The following TPTE variants were observed in gnomAD, a reference collection of about 807,000 sequenced individuals.
The protein encoded by TPTE is putative tyrosine-protein phosphatase TPTE.
A neutral mutation model predicts 84.1 loss-of-function variants in TPTE; 59 were observed. That is an observed-to-expected ratio of 0.70 (90% CI 0.57 to 0.87). The LOEUF (loss-of-function observed/expected upper bound fraction) is 0.87, where lower values mean the gene tolerates loss of function less well. Ranked by LOEUF, TPTE falls within the 40% of genes least tolerant of loss-of-function variation. The probability of loss-of-function intolerance (pLI) is 0.00; values close to 1 mark genes in which losing one functional copy is unlikely to be tolerated. For missense variants in TPTE, 382 were observed against 659.6 expected (o/e 0.58, Z 4.61); for synonymous variants, 130 against 223.5 (o/e 0.58, Z 3.73).
rs763210612 is a variant in TPTE at position 10,602,142 on chromosome 21, T to C, written c.1441T>C (p.Phe481Leu). The part of the protein sequence containing the change: ...PLYDDVKVQF[F>L]YSNLPTYYDN... ...GTATGATGATGTGAAAGTGCAGTTT[T>C]TCTATTCGGTGAGTAATCACAAAGT... Residue 481 changes from phenylalanine (F) to leucine (L), a missense_variant, in exon 22 of 24, where the codon TTC becomes CTC. Around this residue, in one of 10 missense-constraint regions of TPTE, gnomAD observed 13 missense variants for 46.7 expected, o/e 0.28. Transcript: ENST00000618007. The C allele has an allele frequency of 6.2e-7, 1 of 1,612,210 alleles. No homozygotes were observed. The highest frequency in any genetic ancestry group is 8.5e-7 in the Non-Finnish European group (1 of 1,178,212).
intron 8 of TPTE, among the ~76,000 whole-genome samples, chr21:10,555,160 A>G (rs1026586140): frequency 6.6e-6 from 1 of 152,304 alleles, no homozygotes; most frequent in Non-Finnish European, 1.5e-5. Flanking sequence ...TTCAACTTTG[A>G]TATTATTGGA....
intron 11 of TPTE, among the ~76,000 whole-genome samples, chr21:10,568,782 A>AT (rs113925430): frequency 6.4e-4 from 98 of 152,284 alleles, no homozygotes; most frequent in African/African-American, 2.2e-3. Flanking sequence ...GGACCCAGCA[A>AT]TCTGCAGCTT....
chr21:10,597,929 C>T (rs1313898986), intron 20 of TPTE, 86 bp from the exon 21 acceptor site: 6 of 1,518,382 alleles, frequency 4.0e-6, no homozygotes, highest in Middle Eastern at 1.7e-4. Context: ...AATTTTTTCT[C>T]ATTTTAATCC....
At chr21:10,597,810 C>G (rs2075616684) in intron 20 of TPTE, among the ~76,000 whole-genome samples, 1 of 151,442 alleles carries the variant, frequency 6.6e-6, no homozygotes, top group Non-Finnish European at 1.5e-5. Context: ...CTTCTCTCAT[C>G]TTATAAAATC....
At chr21:10,533,911 C>CA (rs1259694303) in intron 3 of TPTE, among the ~76,000 whole-genome samples, 3 of 152,312 alleles carry the variant, frequency 2.0e-5, no homozygotes, top group African/African-American at 7.2e-5. Flanking sequence ...TGTGGCCAGA[C>CA]AGCATTATGG....
At chr21:10,543,143 C>G (rs1600872942) in intron 6 of TPTE, among the ~76,000 whole-genome samples, 186 bp from the exon 7 acceptor site, 1 of 137,848 alleles carries the variant, frequency 7.3e-6, no homozygotes, top group South Asian at 2.2e-4. Flanking sequence ...CATTCTCCTG[C>G]CTCAGCCTCC....
At chr21:10,537,033 G>T (rs1198436317) in intron 3 of TPTE, among the ~76,000 whole-genome samples, 1 of 152,312 alleles carries the variant, frequency 6.6e-6, no homozygotes, top group Non-Finnish European at 1.5e-5. Flanking sequence ...TCATCACATT[G>T]TATGGGGCAG....
At chr21:10,546,274 A>T (rs567912970) in intron 7 of TPTE, among the ~76,000 whole-genome samples, 8 of 152,418 alleles carry the variant, frequency 5.2e-5, no homozygotes, top group Admixed American at 2.0e-4. Context: ...GGCAACACGA[A>T]CCATGTCCAT....
At chr21:10,598,247 A>G (rs2075626956) in intron 21 of TPTE, among the ~76,000 whole-genome samples, 153 bp downstream of exon 21, 1 of 152,312 alleles carries the variant, frequency 6.6e-6, no homozygotes. Context: ...TTGGGTTTGG[A>G]TGCAAACCAG....
At chr21:10,536,359 G>C (rs1300158099) in intron 3 of TPTE, among the ~76,000 whole-genome samples, 3 of 152,302 alleles carry the variant, frequency 2.0e-5, no homozygotes, top group African/African-American at 7.2e-5. Flanking sequence ...TAGAGTAACT[G>C]TAGCTGTTTG....
chr21:10,540,822 T>C (rs2074355939), intron 4 of TPTE: 1 of 558,278 alleles, frequency 1.8e-6, no homozygotes, highest in South Asian at 1.4e-5. Context: ...GGAACTAAAT[T>C]TGAACTAGAA....
At chr21:10,597,600 A>G (rs1354913017) in intron 20 of TPTE, among the ~76,000 whole-genome samples, 4 of 152,304 alleles carry the variant, frequency 2.6e-5, no homozygotes, top group Non-Finnish European at 5.9e-5. Flanking sequence ...TTTTTAGTAG[A>G]GATGGGGTTT....
intron 3 of TPTE, among the ~76,000 whole-genome samples, chr21:10,537,226 A>T (rs1190043191): frequency 3.3e-5 from 5 of 152,310 alleles, no homozygotes; most frequent in Non-Finnish European, 7.3e-5. Flanking sequence ...AATTGTAAAG[A>T]ACTAAACATC....
chr21:10,603,839 C>T (rs1978921225), intron 23 of TPTE, among the ~76,000 whole-genome samples: 1 of 152,430 alleles, frequency 6.6e-6, no homozygotes, highest in African/African-American at 2.4e-5. Flanking sequence ...GCAGTATCCT[C>T]AGGGTCCATG....
At chr21:10,547,825 C>G (rs2074496902) in intron 7 of TPTE, among the ~76,000 whole-genome samples, 1 of 152,428 alleles carries the variant, frequency 6.6e-6, no homozygotes, top group East Asian at 1.9e-4. Context: ...TCAACCCCCA[C>G]CACCACACTT....
chr21:10,595,145 T>G (rs1305433724), intron 19 of TPTE, among the ~76,000 whole-genome samples: 1 of 152,310 alleles, frequency 6.6e-6, no homozygotes, highest in African/African-American at 2.4e-5. Context: ...TGGGTTCAAG[T>G]GATTCTCCTG....
At chr21:10,593,090 A>G (rs1426340289) in intron 19 of TPTE, among the ~76,000 whole-genome samples, 1 of 152,312 alleles carries the variant, frequency 6.6e-6, no homozygotes, top group East Asian at 1.9e-4. Context: ...CATTGCTGCA[A>G]CAGTATTTCA....
chr21:10,544,360 G>A (rs1433986753), intron 7 of TPTE, among the ~76,000 whole-genome samples: 2 of 152,310 alleles, frequency 1.3e-5, no homozygotes, highest in Non-Finnish European at 1.5e-5. Flanking sequence ...GGACGTTGGA[G>A]GCATGGGCGA....
At chr21:10,599,406 G>A (rs1476104968) in intron 21 of TPTE, among the ~76,000 whole-genome samples, 179 of 151,796 alleles carry the variant, frequency 1.2e-3, no homozygotes, top group African/African-American at 4.0e-3. Flanking sequence ...TATTGCTCTC[G>A]TTGTGAAAAA....
Sources: gnomAD v4.1 joint callset for allele counts (sites outside exome capture counted in the v4.1 genomes callset) on GRCh38, gnomAD v4.1.1 for gene constraint, gnomAD v4.1.1 regional missense constraint, MANE v1.5 for transcripts, NCBI Gene and HGNC (gene_info 2026-07-23, HGNC 2026-07-21) for gene names.